CSMD3: variants seen among roughly 807,000 people sequenced by gnomAD.
CSMD3 encodes CUB and sushi domain-containing protein 3.
CSMD3 carries 177 observed loss-of-function variants against 435.2 expected under a neutral mutation model. That is an observed-to-expected ratio of 0.41 (90% CI 0.36 to 0.46). The LOEUF is 0.46. CSMD3 is among the 20% of genes least tolerant of loss of function. The probability of loss-of-function intolerance (pLI) is 0.34; values close to 1 mark genes in which losing one functional copy is unlikely to be tolerated. For missense variants in CSMD3, 4,265 were observed against 4,504.6 expected (o/e 0.95, Z 1.52); for synonymous variants, 1,656 against 1,520.5 (o/e 1.09, Z -2.07).
chr8:113,291,431 G>A (rs562174196), intron 2 of CSMD3, among the ~76,000 whole-genome samples: 6 of 151,882 alleles, frequency 4.0e-5, no homozygotes, highest in Admixed American at 6.6e-5. Flanking sequence ...TTTAAGGACA[G>A]TTATTGGAAA....
Position 112,270,002 on chromosome 8 carries a change from G to T in CSMD3, c.9509-4412C>A, listed in dbSNP as rs1358054875. ...CACCACTGGTAGTGGGCTTAATGAG[G>T]ACATGTCTGGAGTTAGAAACAATGA... On this transcript the variant is annotated intron_variant, in intron 59 of 70. Coordinates refer to ENST00000297405, the MANE Select transcript of CSMD3 (RefSeq NM_198123.2). 2.6e-5 allele frequency among the ~76,000 whole-genome samples: 4 copies of T among 152,106 alleles called. No individual in the cohort carries two copies. In the East Asian group the frequency reaches 7.7e-4, roughly 29 times the overall value.
At position 112,748,812 on chromosome 8, in the gene CSMD3, T is replaced by C. The variant is rs115957214; in HGVS notation, c.1972+51350A>G. Among the ~76,000 whole-genome samples the C allele has an allele frequency of 7.3e-3, 1,118 of 152,300 alleles. 12 individuals are homozygous for C. The highest frequency in any genetic ancestry group is 0.025 in the African/African-American group (1,028 of 41,562). Reference sequence around the variant, plus strand: ...GCTGCAATGAACATTTCTGTCCATGTGTATTTATATTAGAATGCTTTATAT... The same window carrying C: ...GCTGCAATGAACATTTCTGTCCATGCGTATTTATATTAGAATGCTTTATAT... On this transcript the variant is annotated intron_variant, in intron 13 of 70. Coordinates refer to ENST00000297405, the MANE Select transcript of CSMD3 (RefSeq NM_198123.2).
intron 4 of CSMD3, 128 bp from the exon 5 acceptor site, chr8:113,099,091 T>G: frequency 1.5e-6 from 1 of 686,682 alleles, no homozygotes; most frequent in South Asian, 1.6e-5. Flanking sequence ...GTGCATAATA[T>G]ACTAATAGAG....
At position 112,983,528 on chromosome 8, in the gene CSMD3, C is replaced by T. The variant is rs116805772; in HGVS notation, c.1031-7380G>A. On this transcript the variant is annotated intron_variant, in intron 6 of 70. Transcript: ENST00000297405. ...GCCCAAAAAAATTATTCTCTCATAACCAGACAAATAACTTTTTGATTGATA... is the reference window on the plus strand; with the variant it reads ...GCCCAAAAAAATTATTCTCTCATAATCAGACAAATAACTTTTTGATTGATA... Among the ~76,000 whole-genome samples the T allele has an allele frequency of 7.2e-3, 1,075 of 150,094 alleles. 15 individuals carry two copies. The highest frequency in any genetic ancestry group is 0.025 in the African/African-American group (1,005 of 40,806).
At chr8:113,167,216 C>T (rs2092169067) in intron 4 of CSMD3, among the ~76,000 whole-genome samples, 1 of 152,034 alleles carries the variant, frequency 6.6e-6, no homozygotes, top group Admixed American at 6.6e-5. Flanking sequence ...ACAAACGTAA[C>T]AAGTGATAGC....
chr8:113,329,729 G>A (rs780970650), intron 1 of CSMD3, among the ~76,000 whole-genome samples: 5 of 152,002 alleles, frequency 3.3e-5, no homozygotes, highest in African/African-American at 4.8e-5. Flanking sequence ...AAGCAGCAAA[G>A]AGAAAAAATA....
intron 3 of CSMD3, among the ~76,000 whole-genome samples, chr8:113,207,156 C>A (rs1004836719): frequency 6.6e-6 from 1 of 152,106 alleles, no homozygotes; most frequent in Non-Finnish European, 1.5e-5. Context: ...TAAAAGAATT[C>A]TTCTTATCTT....
At chr8:112,392,870 T>C (rs1026182554) in intron 35 of CSMD3, among the ~76,000 whole-genome samples, 2 of 141,178 alleles carry the variant, frequency 1.4e-5, no homozygotes, top group African/African-American at 3.0e-5. Context: ...TTTTCTTTTT[T>C]TTTTTTTTTT....
intron 22 of CSMD3, among the ~76,000 whole-genome samples, chr8:112,597,301 C>T (rs1157395097): frequency 6.6e-6 from 1 of 152,088 alleles, no homozygotes; most frequent in African/African-American, 2.4e-5. Flanking sequence ...TATACACCCT[C>T]CCAAGACTAA....
chr8:112,685,602 A>G lies in CSMD3; in HGVS notation c.2286T>C (p.Ser762=), dbSNP rs755196240. The G allele has an allele frequency of 1.2e-6, 2 of 1,614,018 alleles. No homozygotes were observed. The highest frequency in any genetic ancestry group is 1.7e-6 in the Non-Finnish European group (2 of 1,179,942). Residue 762 remains serine, a synonymous_variant, in exon 15 of 71, where the codon TCT becomes TCC. Coordinates refer to ENST00000297405, the MANE Select transcript of CSMD3 (RefSeq NM_198123.2). ...ISDPGSRIHL[S]FNDFDLESQF... ...GGGATTCCAGGTCAAAGTCATTGAA[A>G]GAAAGATGTATCCGGCTCCCTGGAT... is the stretch of plus-strand genomic sequence containing the variant.
chr8:113,372,625 T>C (rs1172266644), intron 1 of CSMD3, among the ~76,000 whole-genome samples: 2 of 151,996 alleles, frequency 1.3e-5, no homozygotes, highest in East Asian at 3.9e-4. Flanking sequence ...TTTATACCAT[T>C]CCAAAAGCAT....
chr8:113,369,493 T>C (rs1588614168), intron 1 of CSMD3, among the ~76,000 whole-genome samples: 1 of 152,124 alleles, frequency 6.6e-6, no homozygotes, highest in East Asian at 1.9e-4. Context: ...GAAAACAGTA[T>C]GAAGTTTCCT....
intron 27 of CSMD3, among the ~76,000 whole-genome samples, chr8:112,535,988 G>T (rs1013114449): frequency 3.6e-4 from 55 of 152,176 alleles, no homozygotes; most frequent in African/African-American, 1.2e-3. Flanking sequence ...GCTGAAACTG[G>T]ATCCCTTCCT....
intron 59 of CSMD3, among the ~76,000 whole-genome samples, chr8:112,279,964 A>G (rs1026621591): frequency 6.6e-6 from 1 of 152,122 alleles, no homozygotes; most frequent in African/African-American, 2.4e-5. Context: ...CAATATATTA[A>G]CTACAACTGA....
chr8:112,595,697 TG>T (rs1461556492), intron 22 of CSMD3, among the ~76,000 whole-genome samples: 1 of 82,360 alleles, frequency 1.2e-5, no homozygotes, highest in Non-Finnish European at 2.4e-5. Flanking sequence ...CAGAAGAGAG[TG>T]GGGGCCAATA....
chr8:112,406,765 G>A (rs531114872), intron 34 of CSMD3, 38 bp from the exon 35 acceptor site: 3 of 1,291,658 alleles, frequency 2.3e-6, no homozygotes, highest in Non-Finnish European at 3.3e-6. Context: ...ATTTTATATG[G>A]TAGACAAATA....
At chr8:113,235,216 T>C (rs912790386) in intron 3 of CSMD3, among the ~76,000 whole-genome samples, 2 of 152,098 alleles carry the variant, frequency 1.3e-5, no homozygotes, top group African/African-American at 2.4e-5. Flanking sequence ...CATGTTTCCT[T>C]CATGAAGAAA....
At chr8:112,470,579 C>T (rs1421912932) in intron 32 of CSMD3, among the ~76,000 whole-genome samples, 3 of 151,940 alleles carry the variant, frequency 2.0e-5, no homozygotes, top group Admixed American at 6.6e-5. Context: ...AGCTGGCATT[C>T]GTTAACCCAA....
chr8:112,235,669 A>T (rs1813506833), intron 67 of CSMD3, among the ~76,000 whole-genome samples: 1 of 152,202 alleles, frequency 6.6e-6, no homozygotes, highest in African/African-American at 2.4e-5. Context: ...GTATTCATTC[A>T]TTCTAACTTA....
Sources: gnomAD v4.1 joint callset for allele counts (sites outside exome capture counted in the v4.1 genomes callset) on GRCh38, gnomAD v4.1.1 for gene constraint, MANE v1.5 for transcripts, NCBI Gene and HGNC (gene_info 2026-07-23, HGNC 2026-07-21) for gene names.